BBS4: variants seen among roughly 807,000 people sequenced by gnomAD.
BBS4 encodes the protein Bardet-Biedl syndrome 4, also known as BBSome complex member BBS4.
A neutral mutation model predicts 71.4 loss-of-function variants in BBS4; 58 were observed. The ratio of observed to expected loss-of-function variants is 0.81; its 90% CI spans 0.66 to 1.01. The LOEUF is 1.01. Ranked by LOEUF, BBS4 falls within the 50% of genes least tolerant of loss-of-function variation. The pLI is 0.00. For missense variants in BBS4, 660 were observed against 607.9 expected, an observed-to-expected ratio of 1.09 and a Z score of -0.90; for synonymous variants, 228 against 216.8, an observed-to-expected ratio of 1.05 and a Z score of -0.46.
intron 8 of BBS4, among the ~76,000 whole-genome samples, chr15:72,725,049 TATATATATAGAG>T (rs895185760): frequency 4.9e-5 from 5 of 101,422 alleles, no homozygotes; most frequent in African/African-American, 1.6e-4. Context: ...TATATATATA[TATATATATAGAG>T]AGAGAGAGAG....
chr15:72,697,517 A>G (rs1290106646), intron 2 of BBS4, among the ~76,000 whole-genome samples: 4 of 151,770 alleles, frequency 2.6e-5, no homozygotes, highest in Non-Finnish European at 4.4e-5. Context: ...GTAACAACCA[A>G]AAGTGTCTCC....
intron 2 of BBS4, among the ~76,000 whole-genome samples, chr15:72,699,647 G>A (rs970408592): frequency 6.6e-6 from 1 of 152,070 alleles, no homozygotes; most frequent in Non-Finnish European, 1.5e-5. Flanking sequence ...TTCGCCAGAT[G>A]CAACCACCAT....
At chr15:72,731,494 C>T in intron 11 of BBS4, 37 bp downstream of exon 11, 2 of 1,614,160 alleles carry the variant, frequency 1.2e-6, no homozygotes, top group Non-Finnish European at 1.7e-6. Flanking sequence ...TGTATTTCTA[C>T]ATGTGGTTAT....
In BBS4 at chr15:72,701,567, AGGT is replaced by A. The variant is rs2065169230; in HGVS notation, c.76+6341_76+6343del. Among the ~76,000 whole-genome samples the A allele has an allele frequency of 2.0e-5, 3 of 150,832 alleles. No individual in the cohort carries two copies. In the South Asian group the frequency reaches 6.3e-4, roughly 32 times the overall value. On this transcript the variant is annotated intron_variant, in intron 2 of 15. Coordinates refer to ENST00000268057, the MANE Select transcript of BBS4 (RefSeq NM_033028.5). ...AATATAATCCCCATGTGTAAAATAA[AGGT>A]GTACAAACGCACACACACACACTTG... is the stretch of plus-strand genomic sequence containing the variant.
intron 1 of BBS4, among the ~76,000 whole-genome samples, chr15:72,693,601 T>G (rs1172980310): frequency 6.6e-6 from 1 of 152,236 alleles, no homozygotes; most frequent in Non-Finnish European, 1.5e-5. Flanking sequence ...AAATTTTGTT[T>G]ATAGACACTG....
intron 2 of BBS4, among the ~76,000 whole-genome samples, chr15:72,696,963 C>T (rs941446005): frequency 2.0e-5 from 3 of 152,070 alleles, no homozygotes; most frequent in Non-Finnish European, 2.9e-5. Context: ...GGCGGAGGCT[C>T]GCTCTGTCAC....
chr15:72,688,161 G>C (rs1313628994), intron 1 of BBS4, among the ~76,000 whole-genome samples: 4 of 151,328 alleles, frequency 2.6e-5, no homozygotes, highest in African/African-American at 9.7e-5. Flanking sequence ...CTCATCACAA[G>C]TGTTTGTGTA....
chr15:72,735,423 A>C, intron 13 of BBS4: 1 of 551,622 alleles, frequency 1.8e-6, no homozygotes, highest in Non-Finnish European at 3.3e-6. Flanking sequence ...AGAGAATGTC[A>C]GAACTGGCAG....
At chr15:72,717,603 T>C (rs967969624) in intron 6 of BBS4, among the ~76,000 whole-genome samples, 4 of 152,166 alleles carry the variant, frequency 2.6e-5, no homozygotes, top group Admixed American at 2.0e-4. Context: ...CTTCCACTTA[T>C]GTCATATCAG....
At chr15:72,688,411 C>CTTTGTTTTTTTTTTTT (rs2064915096) in intron 1 of BBS4, among the ~76,000 whole-genome samples, 1 of 83,052 alleles carries the variant, frequency 1.2e-5, no homozygotes, top group Admixed American at 2.1e-4. Flanking sequence ...GGTATTTTAT[C>CTTTGTTTTTTTTTTTT]TTTTTTTTTT....
chr15:72,705,875 A>G (rs1227519135), intron 2 of BBS4, among the ~76,000 whole-genome samples: 3 of 151,996 alleles, frequency 2.0e-5, no homozygotes, highest in Non-Finnish European at 4.4e-5. Flanking sequence ...GTAAACCACT[A>G]TAGCTAGCCC....
In BBS4 at chr15:72,735,885, G is replaced by C. The variant is rs757556431; in HGVS notation, c.1167G>C (p.Lys389Asn). Residue 389 changes from lysine to asparagine, a missense_variant, in exon 14 of 16, where the codon AAG (lysine) becomes AAC (asparagine). Coordinates refer to ENST00000268057, the MANE Select transcript of BBS4 (RefSeq NM_033028.5). ...AVLLYNQGEKKNALAQYQEME... is the reference protein window; with the variant it reads ...AVLLYNQGEKNNALAQYQEME... ...TGCTGTACAACCAGGGCGAGAAGAAGAACGCCCTGGCCCAATATCAGGAGA... is the reference window on the plus strand; with the variant it reads ...TGCTGTACAACCAGGGCGAGAAGAACAACGCCCTGGCCCAATATCAGGAGA... 40 of 1,613,880 alleles carry C rather than the reference G, an allele frequency of 2.5e-5. No homozygotes were observed. Among genetic ancestry groups the C allele is most frequent in the East Asian group, 2.0e-4 (9 of 44,884 alleles).
chr15:72,727,262 T>G (rs1336482222), intron 8 of BBS4, among the ~76,000 whole-genome samples: 1 of 152,228 alleles, frequency 6.6e-6, no homozygotes, highest in Non-Finnish European at 1.5e-5. Flanking sequence ...AACTGTCTGA[T>G]GATCCTATGG....
chr15:72,721,282 A>T (rs2065570919), intron 6 of BBS4, among the ~76,000 whole-genome samples: 1 of 152,224 alleles, frequency 6.6e-6, no homozygotes, highest in African/African-American at 2.4e-5. Context: ...GTAGTTTAAG[A>T]AAAAGGCCTT....
intron 1 of BBS4, among the ~76,000 whole-genome samples, chr15:72,694,824 T>A (rs1316294446): frequency 6.6e-6 from 1 of 152,226 alleles, no homozygotes; most frequent in Non-Finnish European, 1.5e-5. Flanking sequence ...CAGCGATCAC[T>A]TTTTTGGTTT....
intron 8 of BBS4, among the ~76,000 whole-genome samples, chr15:72,725,057 T>TATATAGAGAGAGAG (rs369692212): frequency 7.8e-6 from 1 of 127,592 alleles, no homozygotes; most frequent in Non-Finnish European, 1.6e-5. Context: ...TATATATATA[T>TATATAGAGAGAGAG]AGAGAGAGAG....
Position 72,738,325 on chromosome 15 carries a change from G to A in BBS4, c.*738G>A. On this transcript the variant is annotated 3_prime_UTR_variant, in exon 16 of 16. Coordinates refer to ENST00000268057, the MANE Select transcript of BBS4 (RefSeq NM_033028.5). ...GTTTCTTAGATGAGTAATTGTTATT[G>A]AAGATAGTCAGTGATAACCACTGAC... 4.4e-6 allele frequency: 2 copies of A among 454,086 alleles called. No individual in the cohort carries two copies. The highest frequency in any genetic ancestry group is 8.8e-6 in the Non-Finnish European group (2 of 226,780). The allele number at this position is 454,086 out of a possible 1,614,324, so 28.1% of individuals were successfully genotyped here.
At chr15:72,686,596 G>A in intron 1 of BBS4, 2 of 1,365,326 alleles carry the variant, frequency 1.5e-6, no homozygotes, top group Non-Finnish European at 1.9e-6. Context: ...GACAGTTCCT[G>A]TTAATCCCGT....
intron 1 of BBS4, among the ~76,000 whole-genome samples, chr15:72,688,389 CTTTTAGGAAGTGG>C (rs1298648434): frequency 8.4e-6 from 1 of 118,740 alleles, no homozygotes; most frequent in Admixed American, 9.1e-5. Flanking sequence ...AATTTCTGTC[CTTTTAGGAAGTGG>C]TATTTTATCT....
Sources: gnomAD v4.1 joint callset for allele counts (sites outside exome capture counted in the v4.1 genomes callset) on GRCh38, gnomAD v4.1.1 for gene constraint, MANE v1.5 for transcripts, NCBI Gene and HGNC (gene_info 2026-07-23, HGNC 2026-07-21) for gene names.